The following INSL6 variants were observed in gnomAD, a reference collection of about 807,000 sequenced individuals.
The protein encoded by INSL6 is insulin-like peptide INSL6.
In INSL6, 16 loss-of-function variants were observed where a neutral mutation model predicts 9.4. The observed-to-expected ratio is 1.70, with a 90% CI of 1.15 to 2.59. The LOEUF is 2.59. INSL6 is among the 30% of genes most tolerant of loss of function. The pLI, the probability that INSL6 is intolerant of heterozygous loss-of-function variation, is 0.00. For missense variants in INSL6, 391 were observed against 257.3 expected (o/e 1.52, Z -3.56); for synonymous variants, 154 against 96.9 (o/e 1.59, Z -3.46).
At chr9:5,076,807 T>C in the INSL6 span, among the ~76,000 whole-genome samples, 1 of 152,212 alleles carries the variant, frequency 6.6e-6, no homozygotes, top group Non-Finnish European at 1.5e-5. Context: ...TGAAAATTGA[T>C]AATCTTCTCA....
the INSL6 span, chr9:5,112,484 A>C: frequency 1.8e-6 from 1 of 555,776 alleles, no homozygotes; most frequent in African/African-American, 2.0e-5. Flanking sequence ...ACCAGCCCAG[A>C]CAAGGACGAG....
intron 2 of INSL6, among the ~76,000 whole-genome samples, chr9:5,139,669 T>G (rs1395280227): frequency 6.6e-6 from 1 of 152,196 alleles, no homozygotes; most frequent in Non-Finnish European, 1.5e-5. Context: ...AAACCATTTA[T>G]GAGCTATCTG....
At chr9:5,175,708 G>C (rs1825286826) in intron 1 of INSL6, among the ~76,000 whole-genome samples, 1 of 152,072 alleles carries the variant, frequency 6.6e-6, no homozygotes, top group East Asian at 1.9e-4. Flanking sequence ...ATTCTTATAG[G>C]AGTGTGAACC....
the INSL6 span, chr9:5,098,332 T>C: frequency 5.9e-5 from 9 of 152,214 alleles, no homozygotes; most frequent in African/African-American, 2.2e-4. Context: ...CTAAATCCTA[T>C]ATGTCTTAAT....
the INSL6 span, chr9:5,099,545 G>T: frequency 6.6e-6 from 1 of 151,886 alleles, no homozygotes. Context: ...AAAACACAAG[G>T]CTTCCTGAGA....
At chr9:5,056,578 C>T in the INSL6 span, among the ~76,000 whole-genome samples, 2 of 152,156 alleles carry the variant, frequency 1.3e-5, no homozygotes, top group Non-Finnish European at 2.9e-5. Context: ...AGTACACCTA[C>T]TGCCTAGTAG....
the INSL6 span, among the ~76,000 whole-genome samples, chr9:5,036,414 G>T: frequency 6.6e-6 from 1 of 152,060 alleles, no homozygotes; most frequent in Non-Finnish European, 1.5e-5. Context: ...AGCCCACATT[G>T]CCAAGTCAAT....
At chr9:5,147,117 G>C (rs1824614941) in intron 2 of INSL6, among the ~76,000 whole-genome samples, 1 of 152,164 alleles carries the variant, frequency 6.6e-6, no homozygotes, top group Admixed American at 6.5e-5. Flanking sequence ...AGATGCTCCT[G>C]CAGCACATCA....
At chr9:5,111,641 T>TGCCCCTC in the INSL6 span, 1 of 380,020 alleles carries the variant, frequency 2.6e-6, no homozygotes, top group East Asian at 7.1e-5. Context: ...CGGGGGCTCA[T>TGCCCCTC]GCCCCTCGTC....
At position 5,155,358 on chromosome 9, in the gene INSL6, G is replaced by C. The variant is rs1402179588; in HGVS notation, c.376+8821C>G. On this transcript the variant is annotated intron_variant, in intron 2 of 3. Transcript: ENST00000649639. ...GGGGAGGGGGGAGGGATAGCATTAG[G>C]AGATATACCTAATGTTAAATGATGA... Among the ~76,000 whole-genome samples, 4 of 150,148 alleles carry C rather than the reference G, an allele frequency of 2.7e-5. No individual in the cohort carries two copies. In the East Asian group the frequency reaches 7.9e-4, roughly 30 times the overall value.
At chr9:5,159,162 C>G (rs1001416270), downstream of INSL6, among the ~76,000 whole-genome samples, 4 of 151,708 alleles carry the variant, frequency 2.6e-5, no homozygotes, top group Non-Finnish European at 4.4e-5. Context: ...AATCAAAAAG[C>G]AAGAAATAAA....
intron 1 of INSL6, among the ~76,000 whole-genome samples, chr9:5,182,545 G>C (rs1459507005): frequency 2.0e-5 from 3 of 151,986 alleles, no homozygotes; most frequent in Non-Finnish European, 4.4e-5. Context: ...CAATCACCAA[G>C]AAGAGTGCCT....
chr9:5,051,117 C>T, the INSL6 span, among the ~76,000 whole-genome samples: 13 of 152,100 alleles, frequency 8.5e-5, no homozygotes, highest in African/African-American at 2.9e-4. Flanking sequence ...TGGAACATTT[C>T]GTATTTCAGA....
At chr9:5,128,670 T>C (rs982071793) in intron 3 of INSL6, among the ~76,000 whole-genome samples, 4 of 151,968 alleles carry the variant, frequency 2.6e-5, no homozygotes, top group African/African-American at 9.6e-5. Flanking sequence ...TTCTTGTTTT[T>C]AGAATGGGGT....
the INSL6 span, among the ~76,000 whole-genome samples, chr9:5,048,736 A>C: frequency 6.6e-6 from 1 of 152,176 alleles, no homozygotes; most frequent in Non-Finnish European, 1.5e-5. Context: ...TATACTTTTA[A>C]ATATGTTTCT....
intron 2 of INSL6, among the ~76,000 whole-genome samples, chr9:5,146,214 G>T (rs1422542691): frequency 6.6e-6 from 1 of 152,040 alleles, no homozygotes. Flanking sequence ...AGATTTTAGG[G>T]GGCCAGTATT....
chr9:5,166,425 G>A (rs1359833112), intron 1 of INSL6, among the ~76,000 whole-genome samples: 4 of 151,288 alleles, frequency 2.6e-5, no homozygotes, highest in Non-Finnish European at 5.9e-5. Flanking sequence ...TTGTTTAAAA[G>A]AATAAGATAG....
At chr9:5,044,520 G>A in the INSL6 span, 1 of 1,534,522 alleles carries the variant, frequency 6.5e-7, no homozygotes, top group Non-Finnish European at 8.9e-7. Flanking sequence ...TCTTTGCTCA[G>A]GTATGATTAT....
chr9:5,060,983 CAG>C, the INSL6 span, among the ~76,000 whole-genome samples: 2 of 152,228 alleles, frequency 1.3e-5, no homozygotes, highest in African/African-American at 4.8e-5. Context: ...ACATCTCTGT[CAG>C]AGCGCTTGGG....
Sources: allele counts gnomAD v4.1 joint callset (sites outside exome capture counted in the v4.1 genomes callset), GRCh38; gene constraint gnomAD v4.1.1; transcripts MANE v1.5; gene names NCBI Gene and HGNC (gene_info 2026-07-23, HGNC 2026-07-21).